The following VCL variants were observed in gnomAD, a reference collection of about 807,000 sequenced individuals.
VCL encodes epididymis luminal protein 114.
In VCL, 47 loss-of-function variants were observed where a neutral mutation model predicts 125.7. That is an observed-to-expected ratio of 0.37 (90% CI 0.30 to 0.48). The LOEUF (loss-of-function observed/expected upper bound fraction) is 0.48, where lower values mean the gene tolerates loss of function less well. Among genes scored for constraint, VCL ranks in the 20% least tolerant of loss-of-function variants. The probability of loss-of-function intolerance (pLI) is 0.99; values close to 1 mark genes in which losing one functional copy is unlikely to be tolerated. For missense variants in VCL, 1,069 were observed against 1,455.5 expected (o/e 0.73, Z 4.32); for synonymous variants, 458 against 514.6 (o/e 0.89, Z 1.49).
At chr10:74,084,186 T>A (rs1839729026) in intron 8 of VCL, among the ~76,000 whole-genome samples, 1 of 151,642 alleles carries the variant, frequency 6.6e-6, no homozygotes, top group Non-Finnish European at 1.5e-5. Context: ...ATTTTTGTAT[T>A]TTTAGTAGAG....
chr10:74,051,090 C>T (rs1477385519), intron 2 of VCL, among the ~76,000 whole-genome samples: 2 of 152,018 alleles, frequency 1.3e-5, no homozygotes, highest in East Asian at 1.9e-4. Context: ...CAGGCATATG[C>T]CACCATGCCT....
chr10:74,114,428 T>TGC, intron 20 of VCL, 41 bp downstream of exon 20: 1 of 1,570,666 alleles, frequency 6.4e-7, no homozygotes, highest in Non-Finnish European at 8.7e-7. Flanking sequence ...TGTGTGTGTG[T>TGC]GTGTGTGTGC....
chr10:74,111,985 TC>T lies in VCL; in HGVS notation c.2828del (p.Pro943LeufsTer13), dbSNP rs1840230101. On this transcript the variant is annotated frameshift_variant, in exon 19 of 22. Coordinates refer to ENST00000211998, the MANE Select transcript of VCL (RefSeq NM_014000.3). LOFTEE classifies it high-confidence loss of function. The part of the protein sequence containing the change: ...ADAADAAGFP[V>X]PPDMEDDYEP... ...GCGGCCGATGCTGCTGGCTTCCCTG[TC>T]CCCCCTGACATGGAAGACGATTACG... The T allele has an allele frequency of 6.2e-6, 10 of 1,614,118 alleles. No homozygotes were observed. The highest frequency in any genetic ancestry group is 8.5e-6 in the Non-Finnish European group (10 of 1,180,028).
chr10:74,115,305 G>A (rs1236300021), intron 21 of VCL, among the ~76,000 whole-genome samples: 1 of 152,054 alleles, frequency 6.6e-6, no homozygotes, highest in Non-Finnish European at 1.5e-5. Flanking sequence ...CTACTCAGGA[G>A]GCTGAGGCAG....
chr10:74,081,732 T>C (rs1237432948), intron 6 of VCL, among the ~76,000 whole-genome samples: 2 of 152,222 alleles, frequency 1.3e-5, no homozygotes, highest in East Asian at 3.8e-4. Context: ...AGTTTCCTGA[T>C]AGTCCTCGTG....
At chr10:74,003,293 G>A (rs901637154) in intron 1 of VCL, among the ~76,000 whole-genome samples, 2 of 152,146 alleles carry the variant, frequency 1.3e-5, no homozygotes, top group Admixed American at 6.6e-5. Context: ...AAACAAGGAA[G>A]AGGAGGTAGT....
At chr10:74,105,801 C>T (rs1054360402) in intron 16 of VCL, among the ~76,000 whole-genome samples, 1 of 146,634 alleles carries the variant, frequency 6.8e-6, no homozygotes, top group African/African-American at 2.7e-5. Flanking sequence ...GTGATCCACC[C>T]GCCTTGGCCT....
chr10:74,114,476 G>C, intron 20 of VCL, 89 bp downstream of exon 20: 15 of 1,453,156 alleles, frequency 1.0e-5, no homozygotes, highest in Non-Finnish European at 1.3e-5. Flanking sequence ...ATGAGAGGGA[G>C]AAAAGCAGGA....
chr10:74,114,515 C>A, intron 20 of VCL, 128 bp downstream of exon 20: 1 of 1,175,690 alleles, frequency 8.5e-7, no homozygotes, highest in Non-Finnish European at 1.2e-6. Context: ...GAGAAAGAGG[C>A]ACTTCACCGG....
intron 1 of VCL, among the ~76,000 whole-genome samples, chr10:74,007,963 C>T (rs573624330): frequency 2.0e-5 from 3 of 152,082 alleles, no homozygotes; most frequent in South Asian, 2.1e-4. Context: ...CCACCATGGA[C>T]GGCTAATTTT....
At chr10:74,089,738 A>G (rs1054393808) in intron 9 of VCL, among the ~76,000 whole-genome samples, 2 of 152,220 alleles carry the variant, frequency 1.3e-5, no homozygotes, top group East Asian at 3.8e-4. Flanking sequence ...CATTTCACAA[A>G]CACACATGTT....
intron 2 of VCL, among the ~76,000 whole-genome samples, chr10:74,055,723 G>A (rs1841379699): frequency 6.6e-6 from 1 of 152,082 alleles, no homozygotes; most frequent in South Asian, 2.1e-4. Context: ...AAAACTGCTA[G>A]TATCTGTAAG....
At chr10:74,088,706 T>A (rs7908476) in intron 8 of VCL, among the ~76,000 whole-genome samples, 26,534 of 152,098 alleles carry the variant, frequency 0.17, 2,463 homozygotes, top group East Asian at 0.22. Flanking sequence ...GAGTCAAGAT[T>A]TGAACACAGA....
chr10:74,046,954 A>G (rs1841205809), intron 2 of VCL, among the ~76,000 whole-genome samples: 1 of 152,210 alleles, frequency 6.6e-6, no homozygotes, highest in South Asian at 2.1e-4. Context: ...TTAAAACAAA[A>G]TAAAACTTTA....
At chr10:74,107,121 T>C (rs929290874) in intron 16 of VCL, 109 bp from the exon 17 acceptor site, 1 of 1,566,244 alleles carries the variant, frequency 6.4e-7, no homozygotes, top group Non-Finnish European at 8.7e-7. Context: ...TGATATTTAC[T>C]GGCAGCTTCA....
intron 1 of VCL, among the ~76,000 whole-genome samples, chr10:74,027,362 C>T (rs995817935): frequency 2.0e-5 from 3 of 150,874 alleles, no homozygotes; most frequent in Admixed American, 2.0e-4. Context: ...TAGTCACCCT[C>T]ATATAGTCAT....
At chr10:74,040,238 G>GT (rs1200921704) in intron 1 of VCL, among the ~76,000 whole-genome samples, 2 of 152,178 alleles carry the variant, frequency 1.3e-5, no homozygotes, top group African/African-American at 4.8e-5. Context: ...CTACTAGACT[G>GT]TAAGTTCCGT....
At chr10:74,045,552 G>A (rs1841183368) in intron 2 of VCL, among the ~76,000 whole-genome samples, 1 of 151,732 alleles carries the variant, frequency 6.6e-6, no homozygotes, top group African/African-American at 2.4e-5. Context: ...GAATCCGGGT[G>A]GCGGAGGTTG....
intron 1 of VCL, among the ~76,000 whole-genome samples, chr10:74,031,149 C>G (rs1044914047): frequency 6.6e-6 from 1 of 152,194 alleles, no homozygotes; most frequent in South Asian, 2.1e-4. Context: ...TATCATAGAT[C>G]CTCAATTATG....
Sources: allele counts gnomAD v4.1 joint callset (sites outside exome capture counted in the v4.1 genomes callset), GRCh38; gene constraint gnomAD v4.1.1; transcripts MANE v1.5; gene names NCBI Gene and HGNC (gene_info 2026-07-23, HGNC 2026-07-21).